The following DNAI7 variants were observed in gnomAD, a reference collection of about 807,000 sequenced individuals.
The protein encoded by DNAI7 is dynein axonemal intermediate chain 7.
Under a neutral mutation model 86.6 loss-of-function variants are expected in DNAI7, and 78 were observed. That is an observed-to-expected ratio of 0.90 (90% CI 0.75 to 1.09). The LOEUF (loss-of-function observed/expected upper bound fraction) is 1.09. Among genes scored for constraint, DNAI7 ranks in the 50% least tolerant of loss-of-function variants. The probability of loss-of-function intolerance (pLI) is 0.00; values close to 1 mark genes in which losing one functional copy is unlikely to be tolerated. For missense variants in DNAI7, 753 were observed against 810.2 expected (o/e 0.93, Z 0.86); for synonymous variants, 274 against 273.0 (o/e 1.00, Z -0.04).
chr12:25,142,606 G>T (rs1254399400), intron 9 of DNAI7, among the ~76,000 whole-genome samples: 2 of 152,076 alleles, frequency 1.3e-5, no homozygotes, highest in African/African-American at 4.8e-5. Context: ...CCATGTAAAT[G>T]CAAGTAATAG....
At chr12:25,138,529 A>G (rs1943814813) in intron 9 of DNAI7, among the ~76,000 whole-genome samples, 1 of 152,210 alleles carries the variant, frequency 6.6e-6, no homozygotes, top group South Asian at 2.1e-4. Flanking sequence ...AGGGAATAAA[A>G]TTGGAAATCA....
intron 13 of DNAI7, among the ~76,000 whole-genome samples, chr12:25,113,783 C>T (rs1456349949): frequency 6.6e-6 from 1 of 151,874 alleles, no homozygotes; most frequent in Non-Finnish European, 1.5e-5. Context: ...TACAACTATC[C>T]CCATAAATCC....
intron 2 of DNAI7, among the ~76,000 whole-genome samples, chr12:25,187,873 A>C (rs1950174312): frequency 7.0e-6 from 1 of 143,650 alleles, no homozygotes; most frequent in Admixed American, 7.3e-5. Context: ...AGGGAAAGAC[A>C]AACAATCCCA....
At chr12:25,135,469 C>T (rs887606039) in intron 9 of DNAI7, among the ~76,000 whole-genome samples, 1 of 152,010 alleles carries the variant, frequency 6.6e-6, no homozygotes, top group African/African-American at 2.4e-5. Context: ...TTTTCCTGGG[C>T]AGGATCCGGG....
intron 13 of DNAI7, among the ~76,000 whole-genome samples, chr12:25,112,620 A>C (rs980597904): frequency 1.1e-4 from 16 of 151,870 alleles, no homozygotes; most frequent in African/African-American, 3.1e-4. Context: ...GTTAGCCAGG[A>C]TGGTCTCGAT....
At chr12:25,122,448 C>CAAAA (rs34138209) in intron 10 of DNAI7, among the ~76,000 whole-genome samples, 82 of 76,468 alleles carry the variant, frequency 1.1e-3, no homozygotes, top group Middle Eastern at 7.7e-3. Context: ...GATCTCATCT[C>CAAAA]AAAAAAAAAA....
chr12:25,171,754 A>T (rs963731153), intron 2 of DNAI7, among the ~76,000 whole-genome samples: 3 of 152,218 alleles, frequency 2.0e-5, no homozygotes, highest in African/African-American at 7.2e-5. Flanking sequence ...TCAACAACAC[A>T]TCAAAAAGAT....
chr12:25,165,286 T>C (rs1310928349), intron 2 of DNAI7, among the ~76,000 whole-genome samples: 1 of 152,134 alleles, frequency 6.6e-6, no homozygotes, highest in African/African-American at 2.4e-5. Flanking sequence ...CAAGTAGCAA[T>C]GTATTTCTGA....
intron 1 of DNAI7, among the ~76,000 whole-genome samples, chr12:25,193,283 G>A (rs1362756785): frequency 1.3e-5 from 2 of 152,066 alleles, no homozygotes; most frequent in Non-Finnish European, 2.9e-5. Flanking sequence ...AATAGGGTGG[G>A]CCCCTAATCC....
At chr12:25,175,338 A>G (rs985705792) in intron 2 of DNAI7, among the ~76,000 whole-genome samples, 5 of 151,958 alleles carry the variant, frequency 3.3e-5, no homozygotes, top group Admixed American at 1.3e-4. Context: ...CTTCCTTCCC[A>G]TTGCAGTGGA....
chr12:25,127,076 TG>T (rs1412195899), intron 9 of DNAI7, among the ~76,000 whole-genome samples: 1 of 147,090 alleles, frequency 6.8e-6, no homozygotes, highest in Non-Finnish European at 1.5e-5. Flanking sequence ...TTAAAAAAAT[TG>T]TACTACTCTT....
intron 12 of DNAI7, 94 bp downstream of exon 12, chr12:25,119,051 A>C (rs192713781): frequency 1.2e-5 from 11 of 954,462 alleles, no homozygotes; most frequent in Non-Finnish European, 1.7e-5. Flanking sequence ...AATATGTAAG[A>C]TAGTAAGCTC....
At chr12:25,179,516 C>T (rs1182186588) in intron 2 of DNAI7, among the ~76,000 whole-genome samples, 1 of 151,900 alleles carries the variant, frequency 6.6e-6, no homozygotes, top group Non-Finnish European at 1.5e-5. Context: ...CTTGTAGTTC[C>T]CTGAATTTGT....
chr12:25,115,059 T>C (rs1327978840), intron 12 of DNAI7, among the ~76,000 whole-genome samples, 189 bp from the exon 13 acceptor site: 1 of 152,346 alleles, frequency 6.6e-6, no homozygotes, highest in Non-Finnish European at 1.5e-5. Flanking sequence ...CTCCTCAGCA[T>C]GGTAAGACCT....
intron 2 of DNAI7, among the ~76,000 whole-genome samples, chr12:25,172,225 C>T (rs945595709): frequency 2.0e-5 from 3 of 151,860 alleles, no homozygotes; most frequent in Admixed American, 2.0e-4. Context: ...CTAGAAAGCT[C>T]CTAGAATTGA....
chr12:25,169,989 A>C (rs911514300), intron 2 of DNAI7, among the ~76,000 whole-genome samples: 1 of 152,254 alleles, frequency 6.6e-6, no homozygotes, highest in African/African-American at 2.4e-5. Flanking sequence ...CATTTCATGC[A>C]AATGGATACC....
downstream of DNAI7, chr12:25,107,990 C>G (rs1949328085): frequency 3.7e-6 from 6 of 1,614,194 alleles, no homozygotes; most frequent in Non-Finnish European, 4.2e-6. Context: ...CAAGAGGACT[C>G]ATGGACGTCT....
At chr12:25,158,704 A>G (rs1448455635) in intron 3 of DNAI7, 141 bp from the exon 4 acceptor site, 1 of 1,488,528 alleles carries the variant, frequency 6.7e-7, no homozygotes, top group Non-Finnish European at 8.9e-7. Flanking sequence ...TAGATATGAG[A>G]AAAGTGTCAG....
At chr12:25,132,733 C>A (rs1225882001) in intron 9 of DNAI7, among the ~76,000 whole-genome samples, 1 of 150,372 alleles carries the variant, frequency 6.7e-6, no homozygotes, top group Admixed American at 6.6e-5. Flanking sequence ...GATAGGAAAA[C>A]AAATGACATC....
Sources: allele counts gnomAD v4.1 joint callset (sites outside exome capture counted in the v4.1 genomes callset), GRCh38; gene constraint gnomAD v4.1.1; transcripts MANE v1.5; gene names NCBI Gene and HGNC (gene_info 2026-07-23, HGNC 2026-07-21).